The following MEIS2 variants were observed in gnomAD, a reference collection of about 807,000 sequenced individuals.
MEIS2 encodes Meis homeobox 2, also known as homeobox protein Meis2.
In MEIS2, 9 loss-of-function variants were observed where a neutral mutation model predicts 58.6. The observed-to-expected ratio is 0.15, with a 90% CI of 0.09 to 0.27. The LOEUF (loss-of-function observed/expected upper bound fraction) is 0.27. MEIS2 is among the 10% of genes least tolerant of loss of function. The pLI is 1.00. For missense variants in MEIS2, 427 were observed against 635.0 expected (o/e 0.67, Z 3.52); for synonymous variants, 221 against 228.4 (o/e 0.97, Z 0.29).
chr15:37,039,581 C>CT (rs2062326107), intron 7 of MEIS2, among the ~76,000 whole-genome samples: 1 of 152,090 alleles, frequency 6.6e-6, no homozygotes, highest in African/African-American at 2.4e-5. Context: ...GCAAAGAGGG[C>CT]TGGTAACACC....
intron 7 of MEIS2, among the ~76,000 whole-genome samples, chr15:37,074,370 C>A (rs1596075912): frequency 1.3e-5 from 2 of 152,082 alleles, no homozygotes; most frequent in East Asian, 3.9e-4. Context: ...TATTACTTCA[C>A]TGTGTATAAT....
chr15:37,033,127 T>C (rs1028926404), intron 8 of MEIS2, among the ~76,000 whole-genome samples: 1 of 152,224 alleles, frequency 6.6e-6, no homozygotes, highest in Non-Finnish European at 1.5e-5. Flanking sequence ...TTGGCCTTTG[T>C]TGAGGTAGGT....
chr15:37,022,925 G>A (rs1227897459), intron 8 of MEIS2, among the ~76,000 whole-genome samples: 1 of 152,204 alleles, frequency 6.6e-6, no homozygotes, highest in Non-Finnish European at 1.5e-5. Context: ...AAAGTGCTGG[G>A]ATTACAGGCG....
At chr15:36,894,843 C>T (rs767149442) in intron 11 of MEIS2, 69 of 1,519,444 alleles carry the variant, frequency 4.5e-5, no homozygotes, top group Admixed American at 6.7e-5. Flanking sequence ...AAGAAGAGGC[C>T]GGAAAATCAG....
intron 9 of MEIS2, among the ~76,000 whole-genome samples, chr15:36,930,151 T>C (rs533537889): frequency 7.3e-6 from 1 of 136,632 alleles, no homozygotes; most frequent in South Asian, 2.2e-4. Context: ...TACAGTGAGG[T>C]GAGATCGTAC....
rs1301048671 is a variant in MEIS2 at position 37,098,116 on chromosome 15, C to A, written c.96G>T (p.Pro32=). 1 of 1,613,240 alleles carries A rather than the reference C, an allele frequency of 6.2e-7. No homozygotes were observed. The highest frequency in any genetic ancestry group is 1.3e-5 in the African/African-American group (1 of 74,802). The change falls in exon 2 of 12, where the codon CCG becomes CCT. Residue 32 remains proline, a synonymous_variant. Transcript: ENST00000561208. ...SMYGDPHAPR[P]IPPVHHLNHG... The stretch of plus-strand genomic sequence containing the variant: ...GGTTCAGGTGGTGAACCGGGGGGAT[C>A]GGCCGCGGCGCGTGAGGGTCTCCGT...
chr15:37,094,633 T>C (rs1893971210), intron 4 of MEIS2, 56 bp from the exon 5 acceptor site: 1 of 1,535,692 alleles, frequency 6.5e-7, no homozygotes, highest in Non-Finnish European at 8.9e-7. Flanking sequence ...AGGTCCTGTC[T>C]TGGGGTTGGG....
At chr15:36,973,727 A>G (rs2059647177) in intron 8 of MEIS2, among the ~76,000 whole-genome samples, 1 of 152,186 alleles carries the variant, frequency 6.6e-6, no homozygotes, top group Non-Finnish European at 1.5e-5. Flanking sequence ...AGAAGTTAAA[A>G]TATTAACACT....
At chr15:36,933,346 TAC>T (rs2058049369) in intron 9 of MEIS2, among the ~76,000 whole-genome samples, 1 of 152,218 alleles carries the variant, frequency 6.6e-6, no homozygotes, top group Non-Finnish European at 1.5e-5. Context: ...GATATGTGTA[TAC>T]ATACATACCC....
At chr15:36,940,341 C>A (rs1225407980) in intron 9 of MEIS2, among the ~76,000 whole-genome samples, 2 of 152,100 alleles carry the variant, frequency 1.3e-5, no homozygotes, top group Non-Finnish European at 2.9e-5. Context: ...TCCATAAGCG[C>A]CATTTTCTAA....
At chr15:37,100,918 G>T (rs1244267568), upstream of MEIS2, 3 of 150,200 alleles carry the variant, frequency 2.0e-5, no homozygotes, top group Non-Finnish European at 4.4e-5. Context: ...CATCACTCCC[G>T]GCTCCTGCCT....
chr15:36,991,936 T>C (rs4923732), intron 8 of MEIS2, among the ~76,000 whole-genome samples: 140,279 of 147,816 alleles, frequency 0.95, 67,006 homozygotes, highest in East Asian at 1. Context: ...TACAGGCGCC[T>C]GCCACTACGC....
chr15:37,025,121 T>C (rs1046606653), intron 8 of MEIS2, among the ~76,000 whole-genome samples: 1 of 152,212 alleles, frequency 6.6e-6, no homozygotes, highest in African/African-American at 2.4e-5. Context: ...GTGCAATACT[T>C]GTCTTTGAAG....
At chr15:37,009,970 G>A (rs2061074881) in intron 8 of MEIS2, among the ~76,000 whole-genome samples, 1 of 152,140 alleles carries the variant, frequency 6.6e-6, no homozygotes, top group South Asian at 2.1e-4. Context: ...TAAGAACATT[G>A]AATTAATGTC....
chr15:36,917,010 C>A (rs781006152), intron 9 of MEIS2, among the ~76,000 whole-genome samples: 2 of 152,120 alleles, frequency 1.3e-5, no homozygotes, highest in Non-Finnish European at 2.9e-5. Context: ...CACATATGCG[C>A]ACACACACAT....
intron 8 of MEIS2, among the ~76,000 whole-genome samples, chr15:37,022,319 G>C (rs78507810): frequency 0.035 from 5,281 of 152,176 alleles, 326 homozygotes; most frequent in African/African-American, 0.12. Flanking sequence ...AAAATCTCTT[G>C]TTGTTGATTT....
chr15:36,907,450 G>T (rs1030774089), intron 9 of MEIS2, among the ~76,000 whole-genome samples: 2 of 152,300 alleles, frequency 1.3e-5, no homozygotes, highest in African/African-American at 4.8e-5. Flanking sequence ...GAATGTCCCC[G>T]TGGGCCTTTC....
chr15:37,099,094 G>A, intron 1 of MEIS2: 1 of 1,000,442 alleles, frequency 1.0e-6, no homozygotes, highest in South Asian at 4.6e-5. Flanking sequence ...CGGCGCAGCA[G>A]CGGCAGCAGG....
At chr15:37,019,659 G>A (rs758362462) in intron 8 of MEIS2, among the ~76,000 whole-genome samples, 9 of 152,154 alleles carry the variant, frequency 5.9e-5, no homozygotes, top group Non-Finnish European at 1.2e-4. Context: ...GCCCGTAGAG[G>A]GTAGGGAGAG....
Sources: gnomAD v4.1 joint callset for allele counts (sites outside exome capture counted in the v4.1 genomes callset) on GRCh38, gnomAD v4.1.1 for gene constraint, MANE v1.5 for transcripts, NCBI Gene and HGNC (gene_info 2026-07-23, HGNC 2026-07-21) for gene names.